Variants in RARB observed in about 807,000 individuals in gnomAD.
RARB encodes HBV-activated protein.
RARB carries 17 observed loss-of-function variants against 51.9 expected under a neutral mutation model. The ratio of observed to expected loss-of-function variants is 0.33; its 90% CI spans 0.22 to 0.49. RARB has a LOEUF of 0.49. Ranked by LOEUF, RARB falls within the 20% of genes least tolerant of loss-of-function variation. RARB has a pLI of 0.99. For missense variants in RARB, 369 were observed against 550.8 expected, an observed-to-expected ratio of 0.67 and a Z score of 3.30; for synonymous variants, 215 against 195.4, an observed-to-expected ratio of 1.10 and a Z score of -0.84.
intron 5 of RARB, among the ~76,000 whole-genome samples, chr3:25,193,542 A>G (rs1365820548): frequency 6.6e-6 from 1 of 152,044 alleles, no homozygotes; most frequent in African/African-American, 2.4e-5. Flanking sequence ...GCTTGTCAGC[A>G]TCTCATTCTA....
intron 5 of RARB, chr3:25,259,953 G>A (rs1204175810): frequency 2.0e-6 from 2 of 985,180 alleles, no homozygotes; most frequent in Non-Finnish European, 2.4e-6. Flanking sequence ...GGGGAGGGGG[G>A]CAGTCAGTGT....
At chr3:24,916,515 A>G (rs1695108408) in intron 2 of RARB, among the ~76,000 whole-genome samples, 1 of 152,160 alleles carries the variant, frequency 6.6e-6, no homozygotes, top group Non-Finnish European at 1.5e-5. Flanking sequence ...CTCTAGGTAT[A>G]TTGAAGAACT....
chr3:25,252,323 C>G (rs552591030), intron 5 of RARB, among the ~76,000 whole-genome samples: 3 of 152,060 alleles, frequency 2.0e-5, no homozygotes, highest in Admixed American at 6.5e-5. Flanking sequence ...ATTGTTTTGG[C>G]TATTTGGGGA....
chr3:25,397,120 C>T (rs548783906), intron 5 of RARB, among the ~76,000 whole-genome samples: 1 of 152,276 alleles, frequency 6.6e-6, no homozygotes, highest in South Asian at 2.1e-4. Context: ...TTTTCTTCTC[C>T]ATGTGTTCCT....
intron 1 of RARB, chr3:25,458,502 G>A (rs545155818): frequency 6.6e-6 from 1 of 152,292 alleles, no homozygotes; most frequent in Admixed American, 6.5e-5. Context: ...CAGTGAAGCT[G>A]ATTAGTTCCG....
intron 2 of RARB, among the ~76,000 whole-genome samples, chr3:25,023,864 C>A (rs1476340215): frequency 1.3e-5 from 2 of 152,110 alleles, no homozygotes; most frequent in Non-Finnish European, 2.9e-5. Context: ...GCAGAAATAT[C>A]TCTAGATGTG....
At chr3:25,513,048 G>A (rs1697974615) in intron 3 of RARB, among the ~76,000 whole-genome samples, 1 of 151,554 alleles carries the variant, frequency 6.6e-6, no homozygotes, top group South Asian at 2.1e-4. Flanking sequence ...CCAGCACTTT[G>A]GGAGGTGGAT....
intron 5 of RARB, among the ~76,000 whole-genome samples, chr3:25,274,525 A>G (rs576121734): frequency 1.4e-4 from 21 of 152,344 alleles, no homozygotes; most frequent in Non-Finnish European, 2.6e-4. Flanking sequence ...TGGGAAAACT[A>G]GTACAAATTT....
In RARB at chr3:25,230,814, C is replaced by T. The variant is rs749061899; in HGVS notation, c.178+56239C>T. Among the ~76,000 whole-genome samples the T allele has an allele frequency of 2.0e-5, 3 of 152,192 alleles. No individual in the cohort carries two copies. In the South Asian group the frequency reaches 6.2e-4, roughly 32 times the overall value. ...TAGGGTAGCCACTAGCCACTTGTAGCTATTGAGCACGTGCTCAATAATAAA... is the reference window on the plus strand; with the variant it reads ...TAGGGTAGCCACTAGCCACTTGTAGTTATTGAGCACGTGCTCAATAATAAA... On this transcript the variant is annotated intron_variant, in intron 5 of 11. Transcript: ENST00000383772.
intron 5 of RARB, among the ~76,000 whole-genome samples, chr3:25,242,172 T>C (rs1202381747): frequency 6.6e-6 from 1 of 152,148 alleles, no homozygotes; most frequent in East Asian, 1.9e-4. Context: ...TTCTTGTAAA[T>C]TTGTTTAAGT....
At chr3:24,912,965 G>A (rs1377954734) in intron 2 of RARB, among the ~76,000 whole-genome samples, 2 of 106,124 alleles carry the variant, frequency 1.9e-5, no homozygotes, top group African/African-American at 6.1e-5. Context: ...ACGCACACAA[G>A]GTACTGATTC....
At chr3:25,154,392 A>T (rs1050771735) in intron 4 of RARB, among the ~76,000 whole-genome samples, 1 of 152,060 alleles carries the variant, frequency 6.6e-6, no homozygotes, top group Non-Finnish European at 1.5e-5. Flanking sequence ...CCCATGTCCA[A>T]TCTATGTCTT....
chr3:24,946,614 A>G (rs922004942), intron 2 of RARB, among the ~76,000 whole-genome samples: 3 of 152,114 alleles, frequency 2.0e-5, no homozygotes, highest in African/African-American at 7.2e-5. Flanking sequence ...CACATAGGTA[A>G]TCCTGGCACT....
chr3:25,080,429 C>T (rs1020324686), intron 3 of RARB, among the ~76,000 whole-genome samples: 3 of 152,198 alleles, frequency 2.0e-5, no homozygotes, highest in Non-Finnish European at 4.4e-5. Flanking sequence ...CTGCTCTCAA[C>T]TGTTAAAGTA....
intron 2 of RARB, among the ~76,000 whole-genome samples, chr3:24,929,211 C>T (rs1189377865): frequency 6.6e-6 from 1 of 151,970 alleles, no homozygotes; most frequent in Non-Finnish European, 1.5e-5. Context: ...GGAAACAGAA[C>T]AACAGGTTAC....
Position 25,494,253 on chromosome 3 carries a change from G to GCACGCACACA in RARB, c.307-6926_307-6925insGCACACACAC, listed in dbSNP as rs1553623182. 3.0e-5 allele frequency among the ~76,000 whole-genome samples: 4 copies of GCACGCACACA among 131,968 alleles called. No homozygotes were observed. The East Asian group carries it at 8.1e-4, about 27-fold the overall frequency. 86.6% of individuals were successfully genotyped at this position (131,968 alleles called of 152,430 possible). A position where few individuals can be genotyped will look rare whatever the true frequency, so the allele number is the denominator to read the frequency against. ...GCCCCCTTTTCCAGCTGTATCTTAC[G>GCACGCACACA]CACACACACACACACACACACACAC... is the stretch of plus-strand genomic sequence containing the variant. On this transcript the variant is annotated intron_variant, in intron 2 of 7. Coordinates refer to ENST00000330688, the MANE Select transcript of RARB (RefSeq NM_000965.5).
rs575291665 is a variant in RARB, at chr3:25,530,725, A to G, written c.448+29402A>G. On this transcript the variant is annotated intron_variant, in intron 3 of 7. Coordinates refer to ENST00000330688, the MANE Select transcript of RARB (RefSeq NM_000965.5). Reference sequence around the variant, plus strand: ...TAGGATCAGCTGATTAGTAATCTCAATTCCATCTGCAACTTAAATTTCCCC... The same window carrying G: ...TAGGATCAGCTGATTAGTAATCTCAGTTCCATCTGCAACTTAAATTTCCCC... Among the ~76,000 whole-genome samples the G allele has an allele frequency of 2.3e-3, 358 of 152,342 alleles. 1 individual carries two copies. The highest frequency in any genetic ancestry group is 8.3e-3 in the African/African-American group (345 of 41,588).
chr3:25,152,238 A>G (rs972833925), intron 4 of RARB, among the ~76,000 whole-genome samples: 1 of 151,978 alleles, frequency 6.6e-6, no homozygotes, highest in Non-Finnish European at 1.5e-5. Context: ...TTTTTCTCTG[A>G]TTTTGAATTG....
At chr3:25,409,200 T>A (rs1707493907) in intron 5 of RARB, among the ~76,000 whole-genome samples, 1 of 152,016 alleles carries the variant, frequency 6.6e-6, no homozygotes, top group Admixed American at 6.6e-5. Flanking sequence ...CAGAGAAAAA[T>A]GTGTAGTTCA....
Sources: allele counts gnomAD v4.1 joint callset (sites outside exome capture counted in the v4.1 genomes callset), GRCh38; gene constraint gnomAD v4.1.1; transcripts MANE v1.5; gene names NCBI Gene and HGNC (gene_info 2026-07-23, HGNC 2026-07-21).